Variants in COL19A1 observed in about 807,000 individuals in gnomAD.
The protein encoded by COL19A1 is collagen alpha-1(XIX) chain.
In COL19A1, 159 loss-of-function variants were observed where a neutral mutation model predicts 190.2. The observed-to-expected ratio is 0.84, with a 90% CI of 0.73 to 0.95. The LOEUF is 0.95. Ranked by LOEUF, COL19A1 falls within the 40% of genes least tolerant of loss-of-function variation. The probability of loss-of-function intolerance (pLI) is 0.00; values close to 1 mark genes in which losing one functional copy is unlikely to be tolerated. For missense variants in COL19A1, 1,418 were observed against 1,431.9 expected, an observed-to-expected ratio of 0.99 and a Z score of 0.16; for synonymous variants, 509 against 458.9, an observed-to-expected ratio of 1.11 and a Z score of -1.39.
chr6:70,066,094 A>T (rs1051486475), intron 14 of COL19A1, among the ~76,000 whole-genome samples: 1 of 152,208 alleles, frequency 6.6e-6, no homozygotes, highest in African/African-American at 2.4e-5. Flanking sequence ...CCATACCATT[A>T]CTGGGTATAT....
intron 11 of COL19A1, among the ~76,000 whole-genome samples, chr6:69,967,964 A>G (rs1239076022): frequency 6.6e-6 from 1 of 152,170 alleles, no homozygotes. Context: ...CTACCCACAA[A>G]CTATCTGGGG....
chr6:70,050,129 C>T (rs887488297), intron 14 of COL19A1, among the ~76,000 whole-genome samples: 8 of 151,862 alleles, frequency 5.3e-5, no homozygotes, highest in African/African-American at 1.9e-4. Context: ...ACTAATATTT[C>T]CTATTGTATA....
intron 4 of COL19A1, among the ~76,000 whole-genome samples, chr6:69,904,762 G>A (rs986227562): frequency 2.0e-5 from 3 of 152,186 alleles, no homozygotes; most frequent in African/African-American, 7.2e-5. Flanking sequence ...CTTGTTCCAG[G>A]CTGTTTATCT....
At chr6:70,102,756 C>T (rs187505522) in intron 16 of COL19A1, among the ~76,000 whole-genome samples, 2 of 152,244 alleles carry the variant, frequency 1.3e-5, no homozygotes, top group African/African-American at 4.8e-5. Flanking sequence ...TCTTGTAGTT[C>T]TGGTAACTCT....
chr6:70,141,999 C>A (rs1583011587), intron 21 of COL19A1, 24 bp from the exon 22 acceptor site: 2 of 1,612,234 alleles, frequency 1.2e-6, no homozygotes, highest in African/African-American at 1.3e-5. Context: ...AAACATTGAT[C>A]TTTCCTTCCC....
chr6:70,160,260 GGA>G (rs1182508685), intron 34 of COL19A1, among the ~76,000 whole-genome samples: 1 of 152,050 alleles, frequency 6.6e-6, no homozygotes, highest in Non-Finnish European at 1.5e-5. Flanking sequence ...CGAGGCAGCA[GGA>G]GAGAGAGCAA....
At chr6:70,145,722 C>CTTTTTTTTTTTTTTTTTTTT (rs56306364) in intron 25 of COL19A1, among the ~76,000 whole-genome samples, 3 of 128,170 alleles carry the variant, frequency 2.3e-5, no homozygotes, top group Non-Finnish European at 3.2e-5. Flanking sequence ...CTTATTGTTT[C>CTTTTTTTTTTTTTTTTTTTT]TTTTTTTTTT....
chr6:70,152,245 C>T (rs1415351685), intron 31 of COL19A1, among the ~76,000 whole-genome samples: 1 of 151,872 alleles, frequency 6.6e-6, no homozygotes, highest in Non-Finnish European at 1.5e-5. Flanking sequence ...CACACACACG[C>T]ACACACACAC....
intron 14 of COL19A1, chr6:70,059,895 G>A: frequency 2.8e-6 from 1 of 354,994 alleles, no homozygotes; most frequent in African/African-American, 2.2e-5. Context: ...AACATTGATA[G>A]GCATTTTTCA....
chr6:70,063,270 C>A (rs1451877834), intron 14 of COL19A1, among the ~76,000 whole-genome samples: 2 of 151,910 alleles, frequency 1.3e-5, no homozygotes, highest in Non-Finnish European at 2.9e-5. Flanking sequence ...ACAGAAATCA[C>A]AACAAACTGT....
Position 70,151,418 on chromosome 6 carries a change from G to A in COL19A1, c.2059G>A (p.Asp687Asn). ...ACAGATTGCACTTCCTCTCTTGGGA[G>A]ACATCGGTGCTTTGCTCAAGGTACT... Reference protein sequence around the residue: ...GDPIALPLLGDIGALLKNFCG... With the variant: ...GDPIALPLLGNIGALLKNFCG... The change falls in exon 31 of 51, where the codon GAC (aspartate) becomes AAC (asparagine). Residue 687 changes from aspartate (D) to asparagine (N), a missense_variant. Coordinates refer to ENST00000620364, the MANE Select transcript of COL19A1 (RefSeq NM_001858.6). 2 of 1,612,784 alleles carry A rather than the reference G, an allele frequency of 1.2e-6. No individual in the cohort carries two copies. Among genetic ancestry groups the A allele is most frequent in the South Asian group, 1.1e-5 (1 of 91,022 alleles).
At chr6:70,060,402 G>A (rs943205153) in intron 14 of COL19A1, among the ~76,000 whole-genome samples, 4 of 152,104 alleles carry the variant, frequency 2.6e-5, no homozygotes, top group African/African-American at 9.7e-5. Flanking sequence ...CCCGGGAAAA[G>A]GACCAGTACC....
intron 11 of COL19A1, among the ~76,000 whole-genome samples, chr6:69,997,859 T>C (rs1186325838): frequency 6.6e-6 from 1 of 152,052 alleles, no homozygotes; most frequent in Non-Finnish European, 1.5e-5. Context: ...TGAAAACTAT[T>C]AATTTATAGA....
chr6:70,145,235 T>C (rs1356419374), intron 25 of COL19A1, among the ~76,000 whole-genome samples: 2 of 152,166 alleles, frequency 1.3e-5, no homozygotes, highest in Non-Finnish European at 2.9e-5. Context: ...CGTATGTTCA[T>C]TGCAACTCTA....
At chr6:70,046,612 G>A (rs917289002) in intron 14 of COL19A1, among the ~76,000 whole-genome samples, 1 of 152,102 alleles carries the variant, frequency 6.6e-6, no homozygotes, top group Non-Finnish European at 1.5e-5. Context: ...CAGGCTTACA[G>A]TGAAGAATGA....
intron 18 of COL19A1, 78 bp from the exon 19 acceptor site, chr6:70,137,607 C>T: frequency 7.6e-7 from 1 of 1,310,572 alleles, no homozygotes. Context: ...GGAGAGCAAG[C>T]AATCATTCTG....
intron 17 of COL19A1, among the ~76,000 whole-genome samples, chr6:70,127,925 A>G (rs1318130845): frequency 6.6e-6 from 1 of 152,192 alleles, no homozygotes; most frequent in Non-Finnish European, 1.5e-5. Context: ...TCAGAGAGGA[A>G]GAGTTCAGGT....
chr6:70,146,911 C>G (rs755756975), intron 27 of COL19A1, 22 bp downstream of exon 27: 1 of 1,542,394 alleles, frequency 6.5e-7, no homozygotes, highest in South Asian at 1.3e-5. Context: ...TCATTCGAGT[C>G]CTTGTTGATT....
chr6:70,123,356 G>A (rs574649836), intron 17 of COL19A1, among the ~76,000 whole-genome samples: 1 of 151,966 alleles, frequency 6.6e-6, no homozygotes. Flanking sequence ...TTACATTGTT[G>A]GTGGGACTGT....
Sources: gnomAD v4.1 joint callset for allele counts (sites outside exome capture counted in the v4.1 genomes callset) on GRCh38, gnomAD v4.1.1 for gene constraint, MANE v1.5 for transcripts, NCBI Gene and HGNC (gene_info 2026-07-23, HGNC 2026-07-21) for gene names.